Variants in STAB2 observed in about 807,000 individuals in gnomAD.
STAB2 encodes stabilin-2.
STAB2 carries 288 observed loss-of-function variants against 338.1 expected under a neutral mutation model. The observed-to-expected ratio is 0.85, with a 90% CI of 0.77 to 0.94. The LOEUF (loss-of-function observed/expected upper bound fraction) is 0.94. Among genes scored for constraint, STAB2 ranks in the 40% least tolerant of loss-of-function variants. The pLI, the probability that STAB2 is intolerant of heterozygous loss-of-function variation, is 0.00. For synonymous variants in STAB2, 1,202 were observed against 1,193.3 expected, an observed-to-expected ratio of 1.01 and a Z score of -0.15; for missense variants, 3,141 against 3,210.1, an observed-to-expected ratio of 0.98 and a Z score of 0.52.
At chr12:103,730,080 T>C in intron 48 of STAB2, 36 bp from the exon 49 acceptor site, 1 of 1,550,188 alleles carries the variant, frequency 6.5e-7, no homozygotes, top group Non-Finnish European at 8.7e-7. Flanking sequence ...TATTTCACTT[T>C]GCACTCATTT....
chr12:103,677,315 A>C (rs1218312459), intron 24 of STAB2, 138 bp from the exon 25 acceptor site: 1 of 1,230,736 alleles, frequency 8.1e-7, no homozygotes, highest in African/African-American at 1.5e-5. Context: ...ATGAATCTCA[A>C]TGTAAATTAA....
chr12:103,761,481 T>G, intron 66 of STAB2, 71 bp downstream of exon 66: 3 of 1,335,390 alleles, frequency 2.2e-6, no homozygotes, highest in Non-Finnish European at 3.2e-6. Context: ...GGCAAACCAT[T>G]ACCAGAAGCC....
At chr12:103,604,125 T>C (rs569972081) in intron 3 of STAB2, among the ~76,000 whole-genome samples, 2 of 152,186 alleles carry the variant, frequency 1.3e-5, no homozygotes, top group African/African-American at 4.8e-5. Context: ...TGGAATTTTC[T>C]CCATAGACAA....
At chr12:103,588,418 G>A (rs760197130) in intron 1 of STAB2, among the ~76,000 whole-genome samples, 28 of 152,066 alleles carry the variant, frequency 1.8e-4, no homozygotes, top group African/African-American at 6.3e-4. Context: ...CCCTGAGCAC[G>A]TTTTTTAATC....
At chr12:103,635,660 G>A (rs1957533482) in intron 6 of STAB2, among the ~76,000 whole-genome samples, 1 of 152,226 alleles carries the variant, frequency 6.6e-6, no homozygotes, top group African/African-American at 2.4e-5. Flanking sequence ...CATCTGGAGA[G>A]CTGGACACAT....
In STAB2 at chr12:103,761,311, G is replaced by C; in HGVS notation, c.7260G>C (p.Arg2420Ser). Residue 2420 changes from arginine to serine, a missense_variant, in exon 66 of 69, where the codon AGG (arginine) becomes AGC (serine). By Grantham distance (110) the Arg-to-Ser change is moderately radical. Coordinates refer to ENST00000388887, the MANE Select transcript of STAB2 (RefSeq NM_017564.10). ...SQDPLQPTET[R>S]FVDGRAILQW... The stretch of plus-strand genomic sequence containing the variant: ...TCTCATTTCCCTAGACGGAGACCAG[G>C]TTTGTTGATGGAAGAGCCATTCTGC... 6.2e-7 allele frequency: 1 copy of C among 1,614,028 alleles called. No individual in the cohort carries two copies. Among genetic ancestry groups the C allele is most frequent in the African/African-American group, 1.3e-5 (1 of 74,998 alleles).
At chr12:103,745,413 C>A in intron 57 of STAB2, 136 bp downstream of exon 57, 1 of 742,288 alleles carries the variant, frequency 1.3e-6, no homozygotes. Context: ...AAAGATAATT[C>A]AGATCTGTAG....
At chr12:103,601,517 G>T (rs764695747) in intron 3 of STAB2, among the ~76,000 whole-genome samples, 25 of 152,148 alleles carry the variant, frequency 1.6e-4, no homozygotes, top group Admixed American at 5.2e-4. Context: ...GCTTAAACCC[G>T]GGAGGCGGAA....
At chr12:103,620,329 A>T in intron 3 of STAB2, 139 bp from the exon 4 acceptor site, 2 of 686,632 alleles carry the variant, frequency 2.9e-6, no homozygotes, top group Non-Finnish European at 4.8e-6. Context: ...TTTCTGTAAA[A>T]CCCTAGATGA....
chr12:103,652,863 C>G (rs1873850659), intron 12 of STAB2, among the ~76,000 whole-genome samples, 158 bp downstream of exon 12: 1 of 152,196 alleles, frequency 6.6e-6, no homozygotes, highest in South Asian at 2.1e-4. Context: ...AAGAAACAGA[C>G]AGCAACACCA....
At chr12:103,644,400 GC>G (rs1270358970) in intron 9 of STAB2, among the ~76,000 whole-genome samples, 1 of 149,798 alleles carries the variant, frequency 6.7e-6, no homozygotes, top group African/African-American at 2.4e-5. Flanking sequence ...ACTGCGGAAG[GC>G]CGCAGGGTCC....
At chr12:103,626,206 A>C (rs550858418) in intron 5 of STAB2, among the ~76,000 whole-genome samples, 295 of 152,396 alleles carry the variant, frequency 1.9e-3, no homozygotes, top group Middle Eastern at 3.4e-3. Flanking sequence ...CACTAGCCAC[A>C]TATGACTATT....
At chr12:103,697,539 T>G (rs2138940494) in intron 33 of STAB2, among the ~76,000 whole-genome samples, 1 of 152,238 alleles carries the variant, frequency 6.6e-6, no homozygotes. Context: ...TAAGTAAAAA[T>G]AAAGAATCCA....
chr12:103,735,906 T>A (rs1882083333), intron 52 of STAB2, among the ~76,000 whole-genome samples: 1 of 152,126 alleles, frequency 6.6e-6, no homozygotes, highest in African/African-American at 2.4e-5. Flanking sequence ...AAGTATACAG[T>A]CATTCCTTTC....
chr12:103,645,895 G>T (rs192378058), intron 9 of STAB2, among the ~76,000 whole-genome samples: 1 of 151,988 alleles, frequency 6.6e-6, no homozygotes, highest in Non-Finnish European at 1.5e-5. Context: ...GGCTGGGGAG[G>T]GGGGGCAAAA....
intron 35 of STAB2, 85 bp downstream of exon 35, chr12:103,703,361 A>G: frequency 1.3e-6 from 2 of 1,506,284 alleles, no homozygotes; most frequent in South Asian, 2.5e-5. Flanking sequence ...AGGCTTTTCT[A>G]TTAAGGTGTA....
At chr12:103,761,481 T>C in intron 66 of STAB2, 71 bp downstream of exon 66, 1 of 1,335,390 alleles carries the variant, frequency 7.5e-7, no homozygotes, top group Non-Finnish European at 1.1e-6. Flanking sequence ...GGCAAACCAT[T>C]ACCAGAAGCC....
chr12:103,651,925 C>T (rs958118982), intron 11 of STAB2, among the ~76,000 whole-genome samples: 1 of 152,186 alleles, frequency 6.6e-6, no homozygotes, highest in African/African-American at 2.4e-5. Context: ...CTATTGTTCA[C>T]CTTCAGAGAT....
intron 29 of STAB2, 47 bp downstream of exon 29, chr12:103,690,029 T>C (rs376537740): frequency 1.3e-6 from 2 of 1,582,934 alleles, no homozygotes; most frequent in African/African-American, 1.4e-5. Flanking sequence ...ATGGCATCTG[T>C]GTAAACATGT....
Sources: allele counts gnomAD v4.1 joint callset (sites outside exome capture counted in the v4.1 genomes callset), GRCh38; gene constraint gnomAD v4.1.1; transcripts MANE v1.5; gene names NCBI Gene and HGNC (gene_info 2026-07-23, HGNC 2026-07-21).